Variants in NF1 observed in about 807,000 individuals in gnomAD.
NF1 encodes the protein neurofibromin 1, also known as neurofibromin.
A neutral mutation model predicts 325.7 loss-of-function variants in NF1; 122 were observed. The observed-to-expected ratio is 0.37, with a 90% CI of 0.32 to 0.44. The LOEUF is 0.44. Among genes scored for constraint, NF1 ranks in the 20% least tolerant of loss-of-function variants. The pLI is 1.00. For synonymous variants in NF1, 1,091 were observed against 1,186.0 expected (o/e 0.92, Z 1.65); for missense variants, 2,140 against 3,415.4 (o/e 0.63, Z 9.31).
intron 1 of NF1, among the ~76,000 whole-genome samples, chr17:31,102,519 G>A (rs944902671): frequency 6.6e-6 from 1 of 152,082 alleles, no homozygotes; most frequent in African/African-American, 2.4e-5. Context: ...CATGTGGGAG[G>A]ACTGCTTGAG....
intron 1 of NF1, 74 bp from the exon 2 acceptor site, chr17:31,155,909 A>T (rs2143623533): frequency 6.5e-7 from 1 of 1,533,456 alleles, no homozygotes; most frequent in Non-Finnish European, 8.8e-7. Context: ...CATGATTTTC[A>T]ATGGCAAGTA....
intron 1 of NF1, among the ~76,000 whole-genome samples, chr17:31,139,369 T>TAC (rs1470463899): frequency 9.5e-6 from 1 of 105,412 alleles, no homozygotes. Context: ...TTAAATGTTT[T>TAC]ACACAGACAC....
At chr17:31,132,322 A>C (rs1915452352) in intron 1 of NF1, among the ~76,000 whole-genome samples, 1 of 152,144 alleles carries the variant, frequency 6.6e-6, no homozygotes, top group South Asian at 2.1e-4. Flanking sequence ...TAGATGGATC[A>C]CTTGAAGTCG....
At chr17:31,318,110 A>T in intron 36 of NF1, 1 of 588,036 alleles carries the variant, frequency 1.7e-6, no homozygotes, top group Non-Finnish European at 2.7e-6. Context: ...TAAAATATTC[A>T]GTGTCAAAAC....
chr17:31,312,550 G>A (rs1249065331), intron 36 of NF1, among the ~76,000 whole-genome samples: 1 of 150,392 alleles, frequency 6.6e-6, no homozygotes, highest in East Asian at 1.9e-4. Flanking sequence ...GGGATTCTAT[G>A]ACAAAAACAC....
At chr17:31,221,787 T>TA in intron 14 of NF1, 63 bp from the exon 15 acceptor site, 2 of 1,140,532 alleles carry the variant, frequency 1.8e-6, no homozygotes, top group South Asian at 1.2e-5. Flanking sequence ...ACTCCAGTGT[T>TA]ATGTTTACCA....
intron 31 of NF1, among the ~76,000 whole-genome samples, chr17:31,254,957 G>A (rs113755393): frequency 1.2e-3 from 180 of 152,206 alleles, no homozygotes; most frequent in African/African-American, 4.0e-3. Flanking sequence ...AAAACCTAAT[G>A]ATATTTAAGA....
At chr17:31,195,385 G>A (rs901352621) in intron 8 of NF1, among the ~76,000 whole-genome samples, 3 of 151,910 alleles carry the variant, frequency 2.0e-5, no homozygotes, top group East Asian at 1.9e-4. Flanking sequence ...TTTTGTATGC[G>A]GTAAAATGCA....
At chr17:31,168,387 T>A (rs1447227947) in intron 4 of NF1, among the ~76,000 whole-genome samples, 2 of 152,196 alleles carry the variant, frequency 1.3e-5, no homozygotes, top group Non-Finnish European at 2.9e-5. Flanking sequence ...TTCCTTAATA[T>A]CATGCATTGC....
At chr17:31,187,628 G>A (rs1483551824) in intron 8 of NF1, among the ~76,000 whole-genome samples, 5 of 152,182 alleles carry the variant, frequency 3.3e-5, no homozygotes, top group African/African-American at 9.7e-5. Flanking sequence ...AAGTTTTCCA[G>A]AAGGCTGTGT....
chr17:31,122,740 A>T (rs1483608703), intron 1 of NF1, among the ~76,000 whole-genome samples: 1 of 152,168 alleles, frequency 6.6e-6, no homozygotes, highest in African/African-American at 2.4e-5. Flanking sequence ...TTGAAGGTGA[A>T]TTTTTTATTT....
Position 31,225,101 on chromosome 17 carries a change from G to A in NF1, c.1852G>A (p.Asp618Asn), listed in dbSNP as rs2144025699. 1 of 1,613,512 alleles carries A rather than the reference G, an allele frequency of 6.2e-7. No individual in the cohort carries two copies. ...TTTATTTATTTTTTTCTAGCAGGCA[G>A]ATAGAAGTTCCTGTCACTTTCTCCT... ...NKFLLKNKQA[D>N]RSSCHFLLFY... Residue 618 changes from aspartate (D) to asparagine (N), a missense_variant, in exon 17 of 58, where the codon GAT becomes AAT. Coordinates refer to ENST00000358273, the MANE Select transcript of NF1 (RefSeq NM_001042492.3).
intron 36 of NF1, chr17:31,304,235 A>G: frequency 1.3e-6 from 2 of 1,546,376 alleles, no homozygotes; most frequent in South Asian, 2.5e-5. Flanking sequence ...TGAGGATGGA[A>G]GATCAGCTAA....
At chr17:31,335,687 A>AT (rs968804050) in intron 40 of NF1, among the ~76,000 whole-genome samples, 23 of 149,008 alleles carry the variant, frequency 1.5e-4, no homozygotes, top group East Asian at 1.2e-3. Flanking sequence ...CCTATATTTT[A>AT]TTTTTTTTTG....
At chr17:31,305,559 A>G (rs771183458) in intron 36 of NF1, 1 of 1,614,114 alleles carries the variant, frequency 6.2e-7, no homozygotes, top group South Asian at 1.1e-5. Context: ...AAAAAAATGT[A>G]TTGTTCAGGT....
chr17:31,284,390 C>T (rs1252660655), intron 36 of NF1, among the ~76,000 whole-genome samples: 2 of 152,138 alleles, frequency 1.3e-5, no homozygotes, highest in Non-Finnish European at 2.9e-5. Context: ...TCAAGAGCTT[C>T]TCTTGCCTCA....
At chr17:31,286,557 A>T (rs2068231588) in intron 36 of NF1, among the ~76,000 whole-genome samples, 1 of 152,254 alleles carries the variant, frequency 6.6e-6, no homozygotes, top group African/African-American at 2.4e-5. Context: ...ATCTTGTGGA[A>T]AAGCCATACC....
intron 13 of NF1, 121 bp from the exon 14 acceptor site, chr17:31,218,884 A>G: frequency 1.9e-6 from 2 of 1,031,136 alleles, no homozygotes; most frequent in Non-Finnish European, 2.9e-6. Flanking sequence ...GTTCTAGAAC[A>G]TTGTTATCAC....
At chr17:31,191,195 T>C (rs1193775991) in intron 8 of NF1, among the ~76,000 whole-genome samples, 4 of 152,320 alleles carry the variant, frequency 2.6e-5, no homozygotes. Context: ...TAAATATTTA[T>C]CTCTGTGAAT....
Sources: allele counts gnomAD v4.1 joint callset (sites outside exome capture counted in the v4.1 genomes callset), GRCh38; gene constraint gnomAD v4.1.1; transcripts MANE v1.5; gene names NCBI Gene and HGNC (gene_info 2026-07-23, HGNC 2026-07-21).